Variants in MKLN1 observed in about 807,000 individuals in gnomAD.
MKLN1 encodes the protein muskelin 1.
Under a neutral mutation model 99.0 loss-of-function variants are expected in MKLN1, and 18 were observed. The ratio of observed to expected loss-of-function variants is 0.18; its 90% CI spans 0.13 to 0.27. The LOEUF (loss-of-function observed/expected upper bound fraction) is 0.27. Ranked by LOEUF, MKLN1 falls within the 10% of genes least tolerant of loss-of-function variation. MKLN1 has a pLI of 1.00. For missense variants in MKLN1, 621 were observed against 875.9 expected, an observed-to-expected ratio of 0.71 and a Z score of 3.67; for synonymous variants, 288 against 293.2, an observed-to-expected ratio of 0.98 and a Z score of 0.18.
intron 3 of MKLN1, among the ~76,000 whole-genome samples, chr7:131,388,234 T>C (rs980204380): frequency 6.6e-6 from 1 of 152,192 alleles, no homozygotes; most frequent in African/African-American, 2.4e-5. Context: ...TAATATTTTA[T>C]ATAAGCAAAT....
At chr7:131,221,179 G>T (rs1050802108) in intron 3 of MKLN1, among the ~76,000 whole-genome samples, 2 of 152,100 alleles carry the variant, frequency 1.3e-5, no homozygotes, top group Admixed American at 1.3e-4. Context: ...AGGTTGAGTT[G>T]CAACACTTGG....
intron 9 of MKLN1, among the ~76,000 whole-genome samples, chr7:131,435,339 A>G (rs1350629634): frequency 6.6e-6 from 1 of 151,904 alleles, no homozygotes; most frequent in East Asian, 1.9e-4. Flanking sequence ...CCTCTTCCCC[A>G]TTTCTTCCTC....
intron 2 of MKLN1, 94 bp downstream of exon 2, chr7:131,375,587 A>C: frequency 1.3e-6 from 1 of 751,846 alleles, no homozygotes; most frequent in Admixed American, 2.2e-5. Flanking sequence ...CTAATAGTTT[A>C]TTCTCTTTTT....
intron 1 of MKLN1, among the ~76,000 whole-genome samples, chr7:131,369,764 C>A (rs1460459901): frequency 6.6e-6 from 1 of 152,110 alleles, no homozygotes; most frequent in Admixed American, 6.6e-5. Context: ...CAAAAAGATA[C>A]ATATTGGCCC....
At chr7:131,232,191 G>GT (rs1231889318) in intron 3 of MKLN1, among the ~76,000 whole-genome samples, 1 of 152,134 alleles carries the variant, frequency 6.6e-6, no homozygotes, top group African/African-American at 2.4e-5. Flanking sequence ...TGAAGAACAT[G>GT]TAAAAGGTCT....
intron 2 of MKLN1, among the ~76,000 whole-genome samples, chr7:131,385,780 C>G (rs919577594): frequency 3.3e-5 from 5 of 152,026 alleles, no homozygotes; most frequent in Non-Finnish European, 7.4e-5. Flanking sequence ...AGACTCTTAT[C>G]AGATATATGA....
chr7:131,162,435 G>A (rs916779699), intron 2 of MKLN1, among the ~76,000 whole-genome samples: 4 of 152,146 alleles, frequency 2.6e-5, no homozygotes, highest in Non-Finnish European at 4.4e-5. Flanking sequence ...ATAAATGAGC[G>A]TCAGGAATGA....
At chr7:131,262,767 T>A (rs1298585326) in intron 3 of MKLN1, among the ~76,000 whole-genome samples, 3 of 151,970 alleles carry the variant, frequency 2.0e-5, no homozygotes, top group Non-Finnish European at 4.4e-5. Context: ...GCCAGGATGG[T>A]CTCCATCTGA....
intron 12 of MKLN1, among the ~76,000 whole-genome samples, chr7:131,448,937 T>A (rs1015012620): frequency 1.3e-5 from 2 of 152,188 alleles, no homozygotes; most frequent in African/African-American, 2.4e-5. Context: ...TTTAGGCACT[T>A]GGGATTCATC....
intron 12 of MKLN1, among the ~76,000 whole-genome samples, chr7:131,446,627 GA>G (rs926723239): frequency 2.6e-5 from 4 of 152,122 alleles, no homozygotes; most frequent in Non-Finnish European, 5.9e-5. Context: ...GCCAAATGTG[GA>G]TAAAAGCACT....
chr7:131,385,372 T>G (rs931030726), intron 2 of MKLN1, among the ~76,000 whole-genome samples: 1 of 152,026 alleles, frequency 6.6e-6, no homozygotes, highest in Admixed American at 6.6e-5. Context: ...TTCATTTGGG[T>G]TTATACCTAG....
rs36105040 is a variant in MKLN1 at position 131,212,923 on chromosome 7, C to CAAAA, written c.-179+9958_-179+9961dup. Reference sequence around the variant, plus strand: ...GGGCAACAAGAGCAAAACTCCGTCTCAAAAAAAAAAAACAAAAAACACCTA... The same window carrying CAAAA: ...GGGCAACAAGAGCAAAACTCCGTCTCAAAAAAAAAAAAAAAACAAAAAACACCTA... On this transcript the variant is annotated intron_variant, in intron 3 of 7. Transcript: ENST00000416992. Among the ~76,000 whole-genome samples, 257 of 128,844 alleles carry CAAAA rather than the reference C, an allele frequency of 2.0e-3. 1 individual carries two copies. The highest frequency in any genetic ancestry group is 8.2e-3 in the Middle Eastern group (2 of 244). 84.5% of individuals were successfully genotyped at this position (128,844 alleles called of 152,430 possible).
rs187740747 is a variant in MKLN1 at position 131,346,716 on chromosome 7, A to G, written c.98+18719A>G. ...TGACAGCAGTTTGCACTTTCGAATT[A>G]CTTGTGAATCTTTTAAAAATGCTGA... On this transcript the variant is annotated intron_variant, in intron 1 of 17. Transcript: ENST00000352689. Among the ~76,000 whole-genome samples, 237 of 152,330 alleles carry G rather than the reference A, an allele frequency of 1.6e-3. 1 individual carries two copies. The highest frequency in any genetic ancestry group is 0.015 in the South Asian group (74 of 4,828).
intron 4 of MKLN1, among the ~76,000 whole-genome samples, chr7:131,390,794 T>A (rs761497027): frequency 6.6e-6 from 1 of 152,104 alleles, no homozygotes; most frequent in African/African-American, 2.4e-5. Context: ...CTGAAACTTT[T>A]TACCCTTTCA....
At chr7:131,346,488 C>CTCCA (rs1799565302) in intron 1 of MKLN1, among the ~76,000 whole-genome samples, 1 of 150,600 alleles carries the variant, frequency 6.6e-6, no homozygotes, top group Non-Finnish European at 1.5e-5. Context: ...CACCACTGCA[C>CTCCA]TCCAGCCTAG....
chr7:131,431,464 T>C lies in MKLN1; in HGVS notation c.960+2319T>C, dbSNP rs534806009. Among the ~76,000 whole-genome samples the C allele has an allele frequency of 2.2e-3, 333 of 152,292 alleles. 3 individuals are homozygous for C. The highest frequency in any genetic ancestry group is 2.4e-3 in the Admixed American group (37 of 15,296). On this transcript the variant is annotated intron_variant, in intron 9 of 17. Transcript: ENST00000352689. The stretch of plus-strand genomic sequence containing the variant: ...GTTTGGCCGGGCTCATTCATTTGTC[T>C]AGGAGTCAGCTATCTGTCAGCTGGT...
At chr7:131,312,681 C>A (rs1436700505) in intron 3 of MKLN1, among the ~76,000 whole-genome samples, 1 of 152,184 alleles carries the variant, frequency 6.6e-6, no homozygotes, top group Non-Finnish European at 1.5e-5. Flanking sequence ...AAAAAAATTA[C>A]CCTTTTCAAC....
intron 3 of MKLN1, among the ~76,000 whole-genome samples, chr7:131,267,962 G>C (rs1379260723): frequency 2.6e-5 from 4 of 152,042 alleles, no homozygotes; most frequent in African/African-American, 9.7e-5. Context: ...TAAACACAAA[G>C]TTTCTTACCA....
At chr7:131,117,700 A>G (rs545738259) in intron 1 of MKLN1, among the ~76,000 whole-genome samples, 5 of 152,366 alleles carry the variant, frequency 3.3e-5, no homozygotes, top group African/African-American at 9.6e-5. Flanking sequence ...GAGAATGAGC[A>G]GATGTGGAGA....
Sources: gnomAD v4.1 joint callset for allele counts (sites outside exome capture counted in the v4.1 genomes callset) on GRCh38, gnomAD v4.1.1 for gene constraint, MANE v1.5 for transcripts, NCBI Gene and HGNC (gene_info 2026-07-23, HGNC 2026-07-21) for gene names.